DLGAP1: variants seen among roughly 807,000 people sequenced by gnomAD.
DLGAP1 encodes DLG associated protein 1.
DLGAP1 carries 11 observed loss-of-function variants against 90.8 expected under a neutral mutation model. The ratio of observed to expected loss-of-function variants is 0.12; its 90% confidence interval spans 0.08 to 0.20. DLGAP1 has a LOEUF of 0.20. Ranked by LOEUF, DLGAP1 falls within the 10% of genes least tolerant of loss-of-function variation. The pLI is 1.00. For synonymous variants in DLGAP1, 558 were observed against 540.7 expected, an observed-to-expected ratio of 1.03 and a Z score of -0.44; for missense variants, 1,050 against 1,333.8, an observed-to-expected ratio of 0.79 and a Z score of 3.31.
intron 3 of DLGAP1, among the ~76,000 whole-genome samples, chr18:3,908,973 G>T (rs11872146): frequency 0.48 from 73,555 of 151,832 alleles, 17,986 homozygotes; most frequent in Admixed American, 0.54. Flanking sequence ...GTTTGTGTTT[G>T]GAAAATCCTA....
intron 1 of DLGAP1, among the ~76,000 whole-genome samples, chr18:4,197,681 GGT>G (rs1002866356): frequency 3.9e-5 from 6 of 152,158 alleles, no homozygotes; most frequent in African/African-American, 1.2e-4. Context: ...CGGGATGATG[GGT>G]GCCACTCCAG....
rs1237529445 is a variant in DLGAP1, at chr18:3,565,073, G to T, written c.2057+2417C>A. Among the ~76,000 whole-genome samples, 1 of 152,176 alleles carries T rather than the reference G, an allele frequency of 6.6e-6. No individual in the cohort carries two copies. The highest frequency in any genetic ancestry group is 2.4e-5 in the African/African-American group (1 of 41,444). ...GGCACAGCCAGGATTTGGTGTTCTG[G>T]CTCAAGAGTCTGTGCTGTCAACCAC... On this transcript the variant is annotated intron_variant, in intron 9 of 12. Transcript: ENST00000315677. The surrounding 1 kb of genome is among the most constrained non-coding windows in gnomAD (Gnocchi z 4.0).
chr18:3,946,498 C>A (rs2072881377), intron 3 of DLGAP1, among the ~76,000 whole-genome samples: 1 of 152,156 alleles, frequency 6.6e-6, no homozygotes, highest in Non-Finnish European at 1.5e-5. Flanking sequence ...CAAGGCAAAT[C>A]AAAATAGATT....
chr18:3,567,391 G>A, intron 9 of DLGAP1, 99 bp downstream of exon 9: 1 of 1,045,004 alleles, frequency 9.6e-7, no homozygotes, highest in South Asian at 1.4e-5. Context: ...AAACTTAGAG[G>A]AAAATATCAT....
chr18:3,853,944 T>C (rs1444737110), intron 4 of DLGAP1, among the ~76,000 whole-genome samples: 1 of 152,126 alleles, frequency 6.6e-6, no homozygotes, highest in African/African-American at 2.4e-5. Flanking sequence ...TTTCCCTCCT[T>C]GGTGACTTTA....
intron 2 of DLGAP1, among the ~76,000 whole-genome samples, chr18:4,044,005 G>A (rs1301579403): frequency 1.3e-5 from 2 of 152,170 alleles, no homozygotes; most frequent in African/African-American, 4.8e-5. Flanking sequence ...TTTAAAATTA[G>A]TACTAAATGC....
intron 1 of DLGAP1, among the ~76,000 whole-genome samples, chr18:4,369,865 G>A (rs917592072): frequency 6.6e-6 from 1 of 150,980 alleles, no homozygotes; most frequent in Non-Finnish European, 1.5e-5. Context: ...AGTGATCTGG[G>A]TGATGAAAAT....
At chr18:3,628,963 A>T (rs2058417132) in intron 7 of DLGAP1, among the ~76,000 whole-genome samples, 1 of 152,178 alleles carries the variant, frequency 6.6e-6, no homozygotes, top group Non-Finnish European at 1.5e-5. Flanking sequence ...TATTTGGCAC[A>T]CAAGTAAAAG....
chr18:3,945,743 T>C (rs1362099539), intron 3 of DLGAP1, among the ~76,000 whole-genome samples: 2 of 152,058 alleles, frequency 1.3e-5, no homozygotes, highest in African/African-American at 4.8e-5. Context: ...GTAACTAACC[T>C]GCACAATGTG....
rs886663181 is a variant in DLGAP1 at position 3,727,460 on chromosome 18, C to T, written c.1591+1675G>A. 2.0e-5 allele frequency among the ~76,000 whole-genome samples: 3 copies of T among 152,172 alleles called. No homozygotes were observed. The highest frequency in any genetic ancestry group is 7.2e-5 in the African/African-American group (3 of 41,444). On this transcript the variant is annotated intron_variant, in intron 7 of 12. Transcript: ENST00000315677. This position sits in a 1 kb window ranked among gnomAD's most constrained non-coding sequence, Gnocchi z 4.7. ...CAGCCCTTTCCTTCCCGACTGTTCT[C>T]CTGAGAGCACCCCTTGTGACTTCTG...
intron 1 of DLGAP1, among the ~76,000 whole-genome samples, chr18:4,283,432 A>G (rs2079602497): frequency 6.6e-6 from 1 of 152,204 alleles, no homozygotes; most frequent in South Asian, 2.1e-4. Flanking sequence ...GTTAGTACAA[A>G]CACAAACATA....
At chr18:4,357,710 G>C (rs2081551841) in intron 1 of DLGAP1, among the ~76,000 whole-genome samples, 1 of 152,226 alleles carries the variant, frequency 6.6e-6, no homozygotes, top group Non-Finnish European at 1.5e-5. Context: ...AACAGCAGCT[G>C]ACACCGTCTC....
At chr18:4,138,321 C>T (rs541562564) in intron 2 of DLGAP1, among the ~76,000 whole-genome samples, 8 of 151,550 alleles carry the variant, frequency 5.3e-5, no homozygotes, top group South Asian at 2.1e-4. Context: ...CTTTTTTAAT[C>T]GCAAAGTGAT....
chr18:3,600,881 G>GATATATAGATATATATAGATAT (rs2056931862), intron 7 of DLGAP1, among the ~76,000 whole-genome samples: 2 of 9,922 alleles, frequency 2.0e-4, no homozygotes, highest in East Asian at 1.3e-3. Flanking sequence ...TAGATATATA[G>GATATATAGATATATATAGATAT]ATAGATATAT....
At chr18:4,195,647 G>T (rs1357213185) in intron 1 of DLGAP1, among the ~76,000 whole-genome samples, 1 of 152,136 alleles carries the variant, frequency 6.6e-6, no homozygotes. Context: ...TGCCTCCCGG[G>T]TTCAAGAGAA....
chr18:3,905,084 T>C (rs2071867175), intron 3 of DLGAP1, among the ~76,000 whole-genome samples: 1 of 151,552 alleles, frequency 6.6e-6, no homozygotes, highest in Non-Finnish European at 1.5e-5. Flanking sequence ...TGTACCTGAA[T>C]AGGCCGGGCA....
At chr18:3,545,285 GA>G (rs927213874) in intron 9 of DLGAP1, among the ~76,000 whole-genome samples, 11 of 139,998 alleles carry the variant, frequency 7.9e-5, no homozygotes, top group Non-Finnish European at 1.1e-4. Flanking sequence ...AAAACAAAAA[GA>G]AAAAAAAAAG....
chr18:3,846,125 C>T (rs1323073849), intron 4 of DLGAP1, among the ~76,000 whole-genome samples: 1 of 150,552 alleles, frequency 6.6e-6, no homozygotes, highest in African/African-American at 2.4e-5. Flanking sequence ...GCGTCCTCTT[C>T]CAAGTATTTC....
intron 2 of DLGAP1, among the ~76,000 whole-genome samples, chr18:4,105,848 G>C (rs1489523451): frequency 6.6e-6 from 1 of 151,688 alleles, no homozygotes; most frequent in East Asian, 2.0e-4. Context: ...GGCTAACACG[G>C]TGAAACCCCG....
Sources: allele counts gnomAD v4.1 joint callset (sites outside exome capture counted in the v4.1 genomes callset), GRCh38; gene constraint gnomAD v4.1.1; non-coding constraint Gnocchi (gnomAD v3.1); transcripts MANE v1.5; gene names NCBI Gene and HGNC (gene_info 2026-07-23, HGNC 2026-07-21).